The following CDC42BPA variants were observed in gnomAD, a reference collection of about 807,000 sequenced individuals.
CDC42BPA encodes serine/threonine-protein kinase MRCK alpha.
A neutral mutation model predicts 223.5 loss-of-function variants in CDC42BPA; 80 were observed. That is an observed-to-expected ratio of 0.36 (90% CI 0.30 to 0.43). The LOEUF (loss-of-function observed/expected upper bound fraction) is 0.43. Among genes scored for constraint, CDC42BPA ranks in the 20% least tolerant of loss-of-function variants. The pLI is 1.00. For synonymous variants in CDC42BPA, 694 were observed against 718.6 expected (o/e 0.97, Z 0.55); for missense variants, 1,743 against 2,099.9 (o/e 0.83, Z 3.32).
At chr1:227,314,779 T>G (rs1276419541) in intron 1 of CDC42BPA, among the ~76,000 whole-genome samples, 1 of 124,748 alleles carries the variant, frequency 8.0e-6, no homozygotes, top group Non-Finnish European at 1.8e-5. Context: ...AGACAATATT[T>G]TTTCAATTAT....
chr1:227,162,512 T>C (rs1664101774), intron 5 of CDC42BPA, among the ~76,000 whole-genome samples: 1 of 152,154 alleles, frequency 6.6e-6, no homozygotes, highest in Non-Finnish European at 1.5e-5. Flanking sequence ...TTTTGCAACT[T>C]GGTTTATTCA....
At chr1:227,038,303 G>A (rs2148733927) in intron 24 of CDC42BPA, among the ~76,000 whole-genome samples, 1 of 152,274 alleles carries the variant, frequency 6.6e-6, no homozygotes, top group South Asian at 2.1e-4. Flanking sequence ...CCAGTCATGT[G>A]GAACTGAGTC....
intron 3 of CDC42BPA, among the ~76,000 whole-genome samples, chr1:227,203,462 C>A (rs763568280): frequency 4.6e-5 from 7 of 152,118 alleles, no homozygotes; most frequent in Non-Finnish European, 8.8e-5. Context: ...TTAACCAAAT[C>A]ATGATGCACA....
chr1:227,138,288 TAGAGAA>T (rs1659012844), intron 10 of CDC42BPA, among the ~76,000 whole-genome samples: 1 of 151,916 alleles, frequency 6.6e-6, no homozygotes, highest in South Asian at 2.1e-4. Context: ...TCCTTTATTT[TAGAGAA>T]AAAAGCAGAA....
Position 227,016,210 on chromosome 1 carries a change from G to C in CDC42BPA, c.4740-13C>G, listed in dbSNP as rs756737059. On this transcript the variant is annotated splice_polypyrimidine_tract_variant and intron_variant, in intron 33 of 36. Transcript: ENST00000366766. ...TCGTAGCATTTCCCTGTAAGACAAG[G>C]CATCTGTTTAGATACTTTTTCCACA... 32 of 1,354,336 alleles carry C rather than the reference G, an allele frequency of 2.4e-5. No individual in the cohort carries two copies. Among genetic ancestry groups the C allele is most frequent in the Non-Finnish European group, 3.2e-5 (30 of 945,342 alleles). 83.9% of individuals were successfully genotyped at this position (1,354,336 alleles called of 1,614,324 possible).
At chr1:227,146,218 T>C (rs1408291164) in intron 7 of CDC42BPA, among the ~76,000 whole-genome samples, 2 of 152,134 alleles carry the variant, frequency 1.3e-5, no homozygotes, top group African/African-American at 4.8e-5. Flanking sequence ...GCTAATATTA[T>C]AGAAGAAATA....
chr1:227,256,944 T>A (rs368986167), intron 1 of CDC42BPA, among the ~76,000 whole-genome samples: 1 of 102,714 alleles, frequency 9.7e-6, no homozygotes. Context: ...GATATATATA[T>A]ACAGACACAC....
At chr1:227,300,615 T>G (rs1212294613) in intron 1 of CDC42BPA, among the ~76,000 whole-genome samples, 1 of 152,092 alleles carries the variant, frequency 6.6e-6, no homozygotes, top group East Asian at 1.9e-4. Context: ...AAGTGGGAGC[T>G]AAGCTATGGG....
rs1317589940 is a variant in CDC42BPA, at chr1:227,265,275, G to A, written c.179-11120C>T. Reference sequence around the variant, plus strand: ...CCGCTTAGTAGCTGTGAGACCTTGAGAAGTTATTTAGACACAAAAGGCTTC... The same window carrying A: ...CCGCTTAGTAGCTGTGAGACCTTGAAAAGTTATTTAGACACAAAAGGCTTC... On this transcript the variant is annotated intron_variant, in intron 1 of 36. Transcript: ENST00000366766. The A allele has an allele frequency of 7.8e-6, 4 of 513,422 alleles. No homozygotes were observed. The Admixed American group carries it at 9.6e-5, about 12-fold the overall frequency. The allele number at this position is 513,422 out of a possible 1,614,324, so 31.8% of individuals were successfully genotyped here.
chr1:227,253,923 C>A, intron 2 of CDC42BPA, 141 bp downstream of exon 2: 2 of 666,792 alleles, frequency 3.0e-6, no homozygotes, highest in South Asian at 3.5e-5. Flanking sequence ...ATCACAACAG[C>A]ACAATCAATC....
chr1:227,129,694 A>AAAAAAAAAAAAAAC, intron 10 of CDC42BPA, among the ~76,000 whole-genome samples: 1 of 88,388 alleles, frequency 1.1e-5, no homozygotes, highest in Non-Finnish European at 2.4e-5. Context: ...AAAAAAAAAA[A>AAAAAAAAAAAAAAC]TCCACTGCAT....
intron 5 of CDC42BPA, among the ~76,000 whole-genome samples, chr1:227,193,199 A>G (rs1670038322): frequency 1.3e-5 from 2 of 149,418 alleles, no homozygotes; most frequent in South Asian, 4.3e-4. Context: ...CTCTCCGAGT[A>G]GCTGGGACTA....
chr1:227,126,460 CAAGAAAGG>C (rs1408503345), intron 11 of CDC42BPA, among the ~76,000 whole-genome samples: 2 of 94,358 alleles, frequency 2.1e-5, no homozygotes, highest in Non-Finnish European at 4.2e-5. Context: ...ACAGGCAGTA[CAAGAAAGG>C]AAGGAAGGAA....
Position 227,145,573 on chromosome 1 carries a change from G to A in CDC42BPA, c.1059C>T (p.Asn353=). ...FSGIDWDNIR[N]CEAPYIPEVS... ...CTTCTGGAATATAAGGTGCTTCACA[G>A]TTCCGAATATTATCCCAATCAATTC... Residue 353 remains asparagine (N), a synonymous_variant, in exon 8 of 37, where the codon AAC becomes AAT. Coordinates refer to ENST00000366766, the MANE Select transcript of CDC42BPA (RefSeq NM_001394014.1). 1 of 1,613,594 alleles carries A rather than the reference G, an allele frequency of 6.2e-7. No individual in the cohort carries two copies.
At chr1:227,006,674 G>A (rs987115851) in intron 34 of CDC42BPA, among the ~76,000 whole-genome samples, 2 of 152,000 alleles carry the variant, frequency 1.3e-5, no homozygotes, top group African/African-American at 4.8e-5. Flanking sequence ...CGGTGGCTCA[G>A]GCCTGTAATC....
chr1:227,178,683 C>T (rs953622328), intron 5 of CDC42BPA, among the ~76,000 whole-genome samples: 4 of 152,076 alleles, frequency 2.6e-5, no homozygotes, highest in Non-Finnish European at 5.9e-5. Flanking sequence ...TTAGTAGAGA[C>T]GGGGTTTCTC....
At position 227,014,876 on chromosome 1, in the gene CDC42BPA, C is replaced by G. The variant is rs184431992; in HGVS notation, c.4857+1204G>C. Among the ~76,000 whole-genome samples the G allele has an allele frequency of 1.1e-4, 16 of 152,320 alleles. No homozygotes were observed. In the East Asian group the frequency reaches 2.5e-3, roughly 24 times the overall value. Reference sequence around the variant, plus strand: ...TGGTACTGAAATGTACAGAGCCTGGCTAATTCCACTAATATTCTTAATTTA... The same window carrying G: ...TGGTACTGAAATGTACAGAGCCTGGGTAATTCCACTAATATTCTTAATTTA... On this transcript the variant is annotated intron_variant, in intron 34 of 36. Coordinates refer to ENST00000366766, the MANE Select transcript of CDC42BPA (RefSeq NM_001394014.1).
At chr1:227,291,224 A>G (rs1257823335) in intron 1 of CDC42BPA, among the ~76,000 whole-genome samples, 2 of 152,104 alleles carry the variant, frequency 1.3e-5, no homozygotes, top group East Asian at 1.9e-4. Context: ...CTCCGGTGCC[A>G]TCTGATAACC....
At chr1:227,108,973 A>G (rs1237790788) in intron 14 of CDC42BPA, among the ~76,000 whole-genome samples, 1 of 152,208 alleles carries the variant, frequency 6.6e-6, no homozygotes, top group Non-Finnish European at 1.5e-5. Context: ...AACAGTAAAC[A>G]CTTGTGTCTC....
Sources: allele counts gnomAD v4.1 joint callset (sites outside exome capture counted in the v4.1 genomes callset), GRCh38; gene constraint gnomAD v4.1.1; transcripts MANE v1.5; gene names NCBI Gene and HGNC (gene_info 2026-07-23, HGNC 2026-07-21).